Variants in B3GALT1 observed in about 807,000 individuals in gnomAD.
B3GALT1 encodes the protein UDP-Gal:betaGlcNAc beta 1,3-galactosyltransferase, polypeptide 1.
In B3GALT1, 10 loss-of-function variants were observed where a neutral mutation model predicts 23.2. That is an observed-to-expected ratio of 0.43 (90% CI 0.27 to 0.73). B3GALT1 has a LOEUF of 0.73. Ranked by LOEUF, B3GALT1 falls within the 30% of genes least tolerant of loss-of-function variation. The probability of loss-of-function intolerance (pLI) is 0.21; values close to 1 mark genes in which losing one functional copy is unlikely to be tolerated. For missense variants in B3GALT1, 299 were observed against 405.4 expected (o/e 0.74, Z 2.25); for synonymous variants, 156 against 141.5 (o/e 1.10, Z -0.73).
intron 2 of B3GALT1, among the ~76,000 whole-genome samples, chr2:167,628,623 G>A (rs993957418): frequency 2.6e-5 from 4 of 151,728 alleles, no homozygotes; most frequent in African/African-American, 7.2e-5. Flanking sequence ...TCAGTGGTCT[G>A]AGTATAAATC....
chr2:167,599,065 G>C (rs1471771675), intron 2 of B3GALT1, among the ~76,000 whole-genome samples: 3 of 152,076 alleles, frequency 2.0e-5, no homozygotes, highest in African/African-American at 4.8e-5. Flanking sequence ...GATGAATTAG[G>C]CTCAGAGAGT....
intron 1 of B3GALT1, among the ~76,000 whole-genome samples, chr2:167,437,021 C>G (rs960311033): frequency 1.3e-5 from 2 of 152,192 alleles, no homozygotes; most frequent in Admixed American, 1.3e-4. Context: ...GAAACACTCT[C>G]TATGCCCCTT....
chr2:167,566,909 A>G (rs1307520338), intron 2 of B3GALT1, among the ~76,000 whole-genome samples: 2 of 152,198 alleles, frequency 1.3e-5, no homozygotes, highest in Non-Finnish European at 2.9e-5. Context: ...TTTGAATCTT[A>G]GATCGTGAAC....
chr2:167,606,450 A>T (rs1440870095), intron 2 of B3GALT1, among the ~76,000 whole-genome samples: 1 of 152,208 alleles, frequency 6.6e-6, no homozygotes, highest in Non-Finnish European at 1.5e-5. Context: ...ACTCAGTTTC[A>T]GATTCTGTTA....
intron 2 of B3GALT1, among the ~76,000 whole-genome samples, chr2:167,493,306 C>G (rs1337022439): frequency 6.6e-6 from 1 of 152,140 alleles, no homozygotes. Context: ...GCTACTTTCT[C>G]CAGTGTAAGG....
At chr2:167,669,073 AT>A (rs1686272621) in intron 3 of B3GALT1, among the ~76,000 whole-genome samples, 1 of 151,150 alleles carries the variant, frequency 6.6e-6, no homozygotes, top group African/African-American at 2.4e-5. Flanking sequence ...TCTTTCTCTT[AT>A]TTTTTCCGCA....
At chr2:167,306,257 G>T (rs1025171942) in intron 1 of B3GALT1, among the ~76,000 whole-genome samples, 3 of 151,930 alleles carry the variant, frequency 2.0e-5, no homozygotes, top group Admixed American at 2.0e-4. Flanking sequence ...ATATGTGATT[G>T]TAATAAAATA....
chr2:167,566,864 G>T (rs1684181848), intron 2 of B3GALT1, among the ~76,000 whole-genome samples: 1 of 152,088 alleles, frequency 6.6e-6, no homozygotes, highest in African/African-American at 2.4e-5. Flanking sequence ...CAATAAAATT[G>T]GTCTCTCCCC....
At chr2:167,356,112 A>G (rs1697399187) in intron 1 of B3GALT1, among the ~76,000 whole-genome samples, 1 of 152,198 alleles carries the variant, frequency 6.6e-6, no homozygotes, top group Non-Finnish European at 1.5e-5. Context: ...CTCTGGCAAG[A>G]TAGTTACTAC....
chr2:167,808,971 CTTTG>C (rs1247435258), intron 3 of B3GALT1, among the ~76,000 whole-genome samples: 4 of 152,126 alleles, frequency 2.6e-5, no homozygotes, highest in South Asian at 2.1e-4. Context: ...TTCTTGGAGG[CTTTG>C]TTTGTTTCTT....
chr2:167,765,857 C>A lies in B3GALT1; in HGVS notation c.-351-52815C>A, dbSNP rs555717166. ...ACCTTATAACACCATAATAAGCTTG[C>A]ACTCTCTTGAGGCTTTCCTCATACC... On this transcript the variant is annotated intron_variant, in intron 3 of 4. Coordinates refer to ENST00000392690, the MANE Select transcript of B3GALT1 (RefSeq NM_020981.4). Among the ~76,000 whole-genome samples the A allele has an allele frequency of 3.3e-5, 5 of 152,292 alleles. No individual in the cohort carries two copies. In the South Asian group the frequency reaches 1.0e-3, roughly 32 times the overall value.
intron 1 of B3GALT1, among the ~76,000 whole-genome samples, chr2:167,309,713 G>T (rs1473529569): frequency 6.6e-6 from 1 of 151,998 alleles, no homozygotes; most frequent in Non-Finnish European, 1.5e-5. Flanking sequence ...TAAGTTGATA[G>T]TTTTGACAGA....
At position 167,435,738 on chromosome 2, in the gene B3GALT1, G is replaced by C. The variant is rs190952460; in HGVS notation, c.-510-54439G>C. On this transcript the variant is annotated intron_variant, in intron 1 of 4. Transcript: ENST00000392690. ...TCTAATCTATCATCGTTAATTTTGA[G>C]TTTAGTTTCATTGTGATTAAGGAAT... is the stretch of plus-strand genomic sequence containing the variant. Among the ~76,000 whole-genome samples the C allele has an allele frequency of 3.7e-3, 568 of 152,134 alleles. 1 individual carries two copies. Among genetic ancestry groups the C allele is most frequent in the African/African-American group, 0.013 (537 of 41,522 alleles).
chr2:167,582,456 C>T (rs960214561), intron 2 of B3GALT1, among the ~76,000 whole-genome samples: 2 of 152,184 alleles, frequency 1.3e-5, no homozygotes, highest in Admixed American at 1.3e-4. Flanking sequence ...TCTAAAACTG[C>T]TCTTATGTCT....
chr2:167,862,578 C>A (rs1162318551), intron 4 of B3GALT1: 1 of 152,196 alleles, frequency 6.6e-6, no homozygotes, highest in African/African-American at 2.4e-5. Flanking sequence ...GCTATCTGGG[C>A]ACCCCTTAGC....
chr2:167,642,951 G>A (rs2105456979), intron 2 of B3GALT1, among the ~76,000 whole-genome samples: 1 of 152,104 alleles, frequency 6.6e-6, no homozygotes, highest in South Asian at 2.1e-4. Context: ...TACTTTCAGA[G>A]GACTCATCCT....
chr2:167,385,899 A>G (rs1053811554), intron 1 of B3GALT1, among the ~76,000 whole-genome samples: 1 of 152,220 alleles, frequency 6.6e-6, no homozygotes, highest in Non-Finnish European at 1.5e-5. Context: ...TTTCCAGCAT[A>G]TAAACACAGT....
intron 2 of B3GALT1, among the ~76,000 whole-genome samples, chr2:167,564,250 A>T (rs992294267): frequency 5.5e-5 from 8 of 146,390 alleles, no homozygotes; most frequent in African/African-American, 2.0e-4. Flanking sequence ...GGCGCTCCCC[A>T]CATCTCAGAC....
At chr2:167,754,888 A>G (rs1687792940) in intron 3 of B3GALT1, among the ~76,000 whole-genome samples, 1 of 152,238 alleles carries the variant, frequency 6.6e-6, no homozygotes. Context: ...CCTACCAATT[A>G]TTTTAAAACA....
Sources: gnomAD v4.1 joint callset for allele counts (sites outside exome capture counted in the v4.1 genomes callset) on GRCh38, gnomAD v4.1.1 for gene constraint, MANE v1.5 for transcripts, NCBI Gene and HGNC (gene_info 2026-07-23, HGNC 2026-07-21) for gene names.